Variants in CSMD1 observed in about 807,000 individuals in gnomAD.
The protein encoded by CSMD1 is CUB and sushi domain-containing protein 1.
CSMD1 carries 213 observed loss-of-function variants against 417.5 expected under a neutral mutation model. The observed-to-expected ratio is 0.51, with a 90% CI of 0.46 to 0.57. The LOEUF (loss-of-function observed/expected upper bound fraction) is 0.57. Ranked by LOEUF, CSMD1 falls within the 20% of genes least tolerant of loss-of-function variation. The pLI, the probability that CSMD1 is intolerant of heterozygous loss-of-function variation, is 0.00. For synonymous variants in CSMD1, 2,862 were observed against 1,736.8 expected, an observed-to-expected ratio of 1.65 and a Z score of -16.11; for missense variants, 6,923 against 4,529.7, an observed-to-expected ratio of 1.53 and a Z score of -15.17.
intron 11 of CSMD1, among the ~76,000 whole-genome samples, chr8:3,492,125 T>A (rs564883187): frequency 6.6e-6 from 1 of 152,190 alleles, no homozygotes; most frequent in Non-Finnish European, 1.5e-5. Flanking sequence ...TCTGAACTAC[T>A]TAAGATCTTT....
chr8:4,332,596 CACACACACACAG>C (rs1391017122), intron 3 of CSMD1, among the ~76,000 whole-genome samples: 1,643 of 100,400 alleles, frequency 0.016, 44 homozygotes, highest in African/African-American at 0.066. Context: ...CACACACACA[CACACACACACAG>C]AGTCATATGC....
chr8:4,976,937 A>T (rs1810595789), intron 1 of CSMD1, among the ~76,000 whole-genome samples: 1 of 152,212 alleles, frequency 6.6e-6, no homozygotes, highest in Non-Finnish European at 1.5e-5. Context: ...TGTGTTCTGA[A>T]GCAGTGGAAT....
At chr8:3,548,761 C>T (rs1210656048) in intron 10 of CSMD1, among the ~76,000 whole-genome samples, 2 of 150,894 alleles carry the variant, frequency 1.3e-5, no homozygotes, top group African/African-American at 4.9e-5. Flanking sequence ...AAAGAGTAAG[C>T]CCGGCCAAGT....
intron 1 of CSMD1, among the ~76,000 whole-genome samples, chr8:4,691,133 C>T (rs1157743826): frequency 6.6e-6 from 1 of 152,106 alleles, no homozygotes; most frequent in Non-Finnish European, 1.5e-5. Context: ...TAGCAGAGGA[C>T]ATTTTAACTG....
chr8:3,789,973 C>T lies in CSMD1; in HGVS notation c.819-35931G>A, dbSNP rs182122429. 6.6e-3 allele frequency among the ~76,000 whole-genome samples: 1,008 copies of T among 152,126 alleles called. 10 individuals are homozygous for T. The highest frequency in any genetic ancestry group is 0.023 in the African/African-American group (952 of 41,500). On this transcript the variant is annotated intron_variant, in intron 5 of 69. Transcript: ENST00000635120. ...GTCTCGATCTCCTGACCTTGTGATCCGCCCACCTCGGCCTCCCAAAGTGCT... is the reference window on the plus strand; with the variant it reads ...GTCTCGATCTCCTGACCTTGTGATCTGCCCACCTCGGCCTCCCAAAGTGCT...
intron 25 of CSMD1, among the ~76,000 whole-genome samples, chr8:3,306,433 C>G (rs967068598): frequency 6.6e-6 from 1 of 152,092 alleles, no homozygotes; most frequent in African/African-American, 2.4e-5. Flanking sequence ...CTCGGCCTCC[C>G]AAAGTGTTAG....
intron 5 of CSMD1, among the ~76,000 whole-genome samples, chr8:3,962,578 G>A (rs970560054): frequency 6.6e-5 from 10 of 152,068 alleles, no homozygotes; most frequent in Non-Finnish European, 1.3e-4. Context: ...CGAGGAGTAA[G>A]CAATGAAATC....
At chr8:3,106,667 G>T (rs371471839) in intron 45 of CSMD1, 26 bp from the exon 46 acceptor site, 3 of 1,466,458 alleles carry the variant, frequency 2.0e-6, no homozygotes, top group Non-Finnish European at 2.9e-6. Context: ...CAACAAACCA[G>T]GAAATTGTGT....
chr8:3,888,069 T>C, intron 5 of CSMD1, among the ~76,000 whole-genome samples: 1 of 152,218 alleles, frequency 6.6e-6, no homozygotes, highest in South Asian at 2.1e-4. Flanking sequence ...TGTACAGTTA[T>C]CACTTTTCTG....
At chr8:4,554,341 TG>T (rs779536475) in intron 2 of CSMD1, among the ~76,000 whole-genome samples, 3 of 152,170 alleles carry the variant, frequency 2.0e-5, no homozygotes, top group Non-Finnish European at 1.5e-5. Context: ...TTCACCATGT[TG>T]CCCACGCTGG....
chr8:3,661,343 G>A (rs117792516), intron 7 of CSMD1, among the ~76,000 whole-genome samples: 194 of 152,236 alleles, frequency 1.3e-3, no homozygotes, highest in East Asian at 9.1e-3. Context: ...AACCAATCCA[G>A]CTGTTTCTCC....
At chr8:4,161,833 T>C (rs1052395444) in intron 3 of CSMD1, among the ~76,000 whole-genome samples, 2 of 152,200 alleles carry the variant, frequency 1.3e-5, no homozygotes, top group Admixed American at 6.5e-5. Context: ...ATATGATATG[T>C]CACTGCATTT....
intron 12 of CSMD1, among the ~76,000 whole-genome samples, chr8:3,437,269 C>A (rs936686653): frequency 6.6e-6 from 1 of 152,206 alleles, no homozygotes; most frequent in Non-Finnish European, 1.5e-5. Flanking sequence ...GAAGACAACA[C>A]AGGCATCCCA....
intron 6 of CSMD1, among the ~76,000 whole-genome samples, chr8:3,742,697 C>G (rs1157169078): frequency 1.3e-5 from 2 of 151,826 alleles, no homozygotes; most frequent in Non-Finnish European, 2.9e-5. Flanking sequence ...AGTTTAATCA[C>G]CTGAGAAGCT....
At chr8:3,660,481 T>C (rs1444755798) in intron 7 of CSMD1, among the ~76,000 whole-genome samples, 2 of 1,362 alleles carry the variant, frequency 1.5e-3, no homozygotes, top group East Asian at 0.014. Context: ...ATCAAGTGGC[T>C]TTTTTTTTTT....
chr8:3,628,474 A>C (rs1184444416), intron 7 of CSMD1, among the ~76,000 whole-genome samples: 1 of 152,234 alleles, frequency 6.6e-6, no homozygotes, highest in Non-Finnish European at 1.5e-5. Flanking sequence ...AAAATCCTTA[A>C]GGATTACTTC....
rs192003176 is a variant in CSMD1 at position 3,020,488 on chromosome 8, C to A, written c.7856-1838G>T. Among the ~76,000 whole-genome samples, 13 of 152,232 alleles carry A rather than the reference C, an allele frequency of 8.5e-5. No homozygotes were observed. In the East Asian group the frequency reaches 2.5e-3, roughly 29 times the overall value. ...GGGTTCAAGACATCCTTCTGCTCAG[C>A]CTCCCAAGTACCTTAGTGCATGGGC... On this transcript the variant is annotated intron_variant, in intron 51 of 69. Transcript: ENST00000635120.
intron 10 of CSMD1, among the ~76,000 whole-genome samples, chr8:3,533,209 A>G (rs1563128950): frequency 6.6e-6 from 1 of 152,184 alleles, no homozygotes; most frequent in Non-Finnish European, 1.5e-5. Context: ...CTAAAACCAG[A>G]TGCCTATTTT....
At chr8:4,602,613 A>C (rs1053750341) in intron 2 of CSMD1, among the ~76,000 whole-genome samples, 3 of 152,222 alleles carry the variant, frequency 2.0e-5, no homozygotes, top group Non-Finnish European at 4.4e-5. Context: ...TATAAAATTC[A>C]AAGAAGTTTG....
Sources: gnomAD v4.1 joint callset for allele counts (sites outside exome capture counted in the v4.1 genomes callset) on GRCh38, gnomAD v4.1.1 for gene constraint, MANE v1.5 for transcripts, NCBI Gene and HGNC (gene_info 2026-07-23, HGNC 2026-07-21) for gene names.